MYCT1: variants seen among roughly 807,000 people sequenced by gnomAD.
MYCT1 encodes MYC target 1.
MYCT1 carries 12 observed loss-of-function variants against 15.0 expected under a neutral mutation model. That is an observed-to-expected ratio of 0.80 (90% CI 0.51 to 1.29). MYCT1 has a LOEUF of 1.29. Ranked by LOEUF, MYCT1 falls within the 50% of genes most tolerant of loss-of-function variation. The pLI, the probability that MYCT1 is intolerant of heterozygous loss-of-function variation, is 0.00. For missense variants in MYCT1, 287 were observed against 279.1 expected, an observed-to-expected ratio of 1.03 and a Z score of -0.20; for synonymous variants, 104 against 102.7, an observed-to-expected ratio of 1.01 and a Z score of -0.07.
chr6:152,727,416 T>C (rs2099725849), downstream of MYCT1, among the ~76,000 whole-genome samples: 1 of 152,218 alleles, frequency 6.6e-6, no homozygotes, highest in African/African-American at 2.4e-5. Flanking sequence ...GAAAAGCAAG[T>C]AGTCCATACT....
downstream of MYCT1, among the ~76,000 whole-genome samples, chr6:152,729,285 T>G (rs1217400244): frequency 1.3e-5 from 2 of 152,186 alleles, no homozygotes; most frequent in African/African-American, 4.8e-5. Flanking sequence ...TTGTTAGTTT[T>G]GGTTAGTGCT....
chr6:152,736,751 T>C, the MYCT1 span, among the ~76,000 whole-genome samples: 1 of 152,102 alleles, frequency 6.6e-6, no homozygotes, highest in Non-Finnish European at 1.5e-5. Flanking sequence ...GTGTGCTCCA[T>C]GCTTACTTCT....
intron 1 of MYCT1, among the ~76,000 whole-genome samples, chr6:152,718,163 T>C (rs1226440214): frequency 6.6e-6 from 1 of 152,146 alleles, no homozygotes; most frequent in Non-Finnish European, 1.5e-5. Flanking sequence ...CATGGAAATA[T>C]TGTTATAGTT....
chr6:152,706,311 C>T (rs762847820), intron 1 of MYCT1, among the ~76,000 whole-genome samples: 8 of 152,162 alleles, frequency 5.3e-5, no homozygotes, highest in Non-Finnish European at 1.0e-4. Flanking sequence ...TGGTTTACTG[C>T]TGTCATTGTT....
At chr6:152,725,247 G>A (rs753505372), downstream of MYCT1, among the ~76,000 whole-genome samples, 2 of 152,124 alleles carry the variant, frequency 1.3e-5, no homozygotes, top group Non-Finnish European at 2.9e-5. Flanking sequence ...ATATCTTGAA[G>A]TCATGATTAG....
the MYCT1 span, among the ~76,000 whole-genome samples, chr6:152,729,780 T>G: frequency 6.6e-6 from 1 of 152,154 alleles, no homozygotes; most frequent in Non-Finnish European, 1.5e-5. Flanking sequence ...CCACAGGTGC[T>G]CAACAGACCA....
chr6:152,729,358 T>C (rs769797006), downstream of MYCT1, among the ~76,000 whole-genome samples: 2 of 152,158 alleles, frequency 1.3e-5, no homozygotes. Context: ...TATTTTTCTA[T>C]AAGCCCTGCT....
intron 1 of MYCT1, among the ~76,000 whole-genome samples, chr6:152,713,692 C>A: frequency 6.6e-6 from 1 of 152,048 alleles, no homozygotes; most frequent in East Asian, 1.9e-4. Context: ...CAGGAGTCAA[C>A]CAAAGATATG....
the MYCT1 span, among the ~76,000 whole-genome samples, chr6:152,738,355 A>G: frequency 1.3e-5 from 2 of 152,118 alleles, no homozygotes; most frequent in Non-Finnish European, 2.9e-5. Context: ...TATGGAGAAA[A>G]TGGAAATAGT....
chr6:152,739,622 A>G, the MYCT1 span, among the ~76,000 whole-genome samples: 1 of 152,106 alleles, frequency 6.6e-6, no homozygotes, highest in South Asian at 2.1e-4. Context: ...TGAATTTTCT[A>G]TTCATATCGT....
rs924279077 is a variant in MYCT1 at position 152,723,925 on chromosome 6, A to C, written c.*1672A>C. The C allele has an allele frequency of 1.3e-5, 2 of 152,218 alleles. No individual in the cohort carries two copies. Among genetic ancestry groups the C allele is most frequent in the Non-Finnish European group, 2.9e-5 (2 of 68,038 alleles). The allele number at this position is 152,218 out of a possible 1,614,324, so 9.4% of individuals were successfully genotyped here. A position where few individuals can be genotyped will look rare whatever the true frequency, so the allele number is the denominator to read the frequency against. On this transcript the variant is annotated 3_prime_UTR_variant, in exon 2 of 2. Coordinates refer to ENST00000367245, the MANE Select transcript of MYCT1 (RefSeq NM_025107.3). ...TTTTTCATTTCCTATTGCAGTGGTC[A>C]CAGCTAATAGTGTCTGAACATGGTT...
At chr6:152,720,451 C>T (rs1027098462) in intron 1 of MYCT1, among the ~76,000 whole-genome samples, 5 of 152,136 alleles carry the variant, frequency 3.3e-5, no homozygotes, top group Admixed American at 6.5e-5. Context: ...AGTCTCACAA[C>T]ACCCATCAGC....
At chr6:152,726,166 G>T (rs965175245), downstream of MYCT1, among the ~76,000 whole-genome samples, 7 of 152,050 alleles carry the variant, frequency 4.6e-5, no homozygotes, top group Non-Finnish European at 2.9e-5. Context: ...GGAGGCCGAG[G>T]CGGGCAGATC....
chr6:152,713,842 C>G (rs545700184), intron 1 of MYCT1, among the ~76,000 whole-genome samples: 1 of 152,074 alleles, frequency 6.6e-6, no homozygotes, highest in Non-Finnish European at 1.5e-5. Flanking sequence ...TGCAGGTTTT[C>G]GACTGTAGCT....
At chr6:152,739,383 G>A in the MYCT1 span, among the ~76,000 whole-genome samples, 1 of 151,308 alleles carries the variant, frequency 6.6e-6, no homozygotes, top group East Asian at 1.9e-4. Context: ...TACTTCCTTA[G>A]CATAGTTTTC....
In MYCT1 at chr6:152,720,014, C is replaced by A. The variant is rs138629150; in HGVS notation, c.197-1728C>A. On this transcript the variant is annotated intron_variant, in intron 1 of 1. Coordinates refer to ENST00000367245, the MANE Select transcript of MYCT1 (RefSeq NM_025107.3). The stretch of plus-strand genomic sequence containing the variant: ...AATAATAATTTGCTTAGCTCACAAT[C>A]CTGTGGATTGGTAATTTGAGATGAA... Among the ~76,000 whole-genome samples, 67 of 152,158 alleles carry A rather than the reference C, an allele frequency of 4.4e-4. 2 individuals are homozygous for A. In the East Asian group the frequency reaches 0.012, roughly 28 times the overall value.
the MYCT1 span, among the ~76,000 whole-genome samples, chr6:152,731,963 G>C: frequency 2.0e-5 from 3 of 152,064 alleles, no homozygotes; most frequent in Non-Finnish European, 4.4e-5. Context: ...GGCCTCGGCT[G>C]CAGAAATGAC....
At chr6:152,744,364 T>C in the MYCT1 span, among the ~76,000 whole-genome samples, 1 of 152,202 alleles carries the variant, frequency 6.6e-6, no homozygotes, top group Non-Finnish European at 1.5e-5. Flanking sequence ...GCAGGCCTTC[T>C]GAAGCTATCC....
At chr6:152,745,874 CAG>C in the MYCT1 span, among the ~76,000 whole-genome samples, 1 of 152,208 alleles carries the variant, frequency 6.6e-6, no homozygotes, top group Admixed American at 6.5e-5. Context: ...TACCATTATG[CAG>C]AGTGTTTCTC....
Sources: gnomAD v4.1 joint callset for allele counts (sites outside exome capture counted in the v4.1 genomes callset) on GRCh38, gnomAD v4.1.1 for gene constraint, MANE v1.5 for transcripts, NCBI Gene and HGNC (gene_info 2026-07-23, HGNC 2026-07-21) for gene names.